GRM5: variants seen among roughly 807,000 people sequenced by gnomAD.
GRM5 encodes the protein metabotropic glutamate receptor 5.
A neutral mutation model predicts 83.1 loss-of-function variants in GRM5; 19 were observed. The ratio of observed to expected loss-of-function variants is 0.23; its 90% CI spans 0.16 to 0.34. The LOEUF is 0.34. Among genes scored for constraint, GRM5 ranks in the 10% least tolerant of loss-of-function variants. The probability of loss-of-function intolerance (pLI) is 1.00; values close to 1 mark genes in which losing one functional copy is unlikely to be tolerated. For synonymous variants in GRM5, 675 were observed against 633.6 expected, an observed-to-expected ratio of 1.07 and a Z score of -0.98; for missense variants, 1,160 against 1,588.3, an observed-to-expected ratio of 0.73 and a Z score of 4.58.
intron 3 of GRM5, among the ~76,000 whole-genome samples, chr11:88,733,383 A>C (rs5008227): frequency 0.94 from 143,085 of 152,022 alleles, 67,579 homozygotes; most frequent in South Asian, 0.99. Context: ...ATAATTTTTC[A>C]AGTTTATATA....
At chr11:88,639,549 C>T (rs1481372913) in intron 4 of GRM5, among the ~76,000 whole-genome samples, 1 of 151,680 alleles carries the variant, frequency 6.6e-6, no homozygotes, top group East Asian at 1.9e-4. Flanking sequence ...GCCATTTTCC[C>T]ATACATCATC....
chr11:88,697,530 A>G (rs1234309061), intron 3 of GRM5, among the ~76,000 whole-genome samples: 1 of 152,216 alleles, frequency 6.6e-6, no homozygotes, highest in Non-Finnish European at 1.5e-5. Context: ...TGTTTACTAC[A>G]ATGTACAAGT....
chr11:88,570,485 G>C (rs1239368124), intron 7 of GRM5, among the ~76,000 whole-genome samples: 1 of 144,958 alleles, frequency 6.9e-6, no homozygotes, highest in East Asian at 2.0e-4. Flanking sequence ...GTATGCCATA[G>C]AGTTTAGGCT....
At chr11:89,023,304 C>T (rs967543194) in intron 2 of GRM5, among the ~76,000 whole-genome samples, 4 of 152,034 alleles carry the variant, frequency 2.6e-5, no homozygotes, top group African/African-American at 9.7e-5. Context: ...CACAACATGA[C>T]CCCCAAACAC....
intron 1 of GRM5, 109 bp from the exon 2 acceptor site, chr11:89,048,181 G>A (rs898276624): frequency 7.8e-6 from 2 of 257,350 alleles, no homozygotes; most frequent in Non-Finnish European, 1.5e-5. Flanking sequence ...TGCAGATAAC[G>A]AAGAAAAAAA....
intron 3 of GRM5, among the ~76,000 whole-genome samples, chr11:88,773,388 C>T (rs1942780831): frequency 6.6e-6 from 1 of 152,052 alleles, no homozygotes; most frequent in Non-Finnish European, 1.5e-5. Context: ...AAATTTTCTC[C>T]TATTCTGTAG....
intron 3 of GRM5, among the ~76,000 whole-genome samples, chr11:88,738,662 C>G (rs1019008065): frequency 2.0e-5 from 3 of 152,116 alleles, no homozygotes; most frequent in Non-Finnish European, 4.4e-5. Flanking sequence ...ATCCTTCCTT[C>G]CACCTCATCT....
At chr11:88,875,447 C>G (rs1358096922) in intron 2 of GRM5, among the ~76,000 whole-genome samples, 1 of 151,924 alleles carries the variant, frequency 6.6e-6, no homozygotes, top group Non-Finnish European at 1.5e-5. Context: ...TCTTGAACCC[C>G]TCAAAATCAT....
chr11:89,062,665 T>C (rs1188203297), intron 1 of GRM5, among the ~76,000 whole-genome samples: 3 of 152,230 alleles, frequency 2.0e-5, no homozygotes, highest in African/African-American at 7.2e-5. Flanking sequence ...TATCCTCTCC[T>C]AAATTTCCCT....
intron 3 of GRM5, among the ~76,000 whole-genome samples, chr11:88,826,108 A>G (rs1010948710): frequency 4.6e-5 from 7 of 152,162 alleles, no homozygotes; most frequent in Non-Finnish European, 8.8e-5. Context: ...CAAATGCGGG[A>G]GGTCTTGAAT....
At chr11:88,740,186 A>T (rs2135415629) in intron 3 of GRM5, among the ~76,000 whole-genome samples, 1 of 152,146 alleles carries the variant, frequency 6.6e-6, no homozygotes, top group African/African-American at 2.4e-5. Flanking sequence ...TCCACACACT[A>T]ATTTTAGCAG....
chr11:88,973,878 T>A (rs1411523366), intron 2 of GRM5, among the ~76,000 whole-genome samples: 1 of 152,166 alleles, frequency 6.6e-6, no homozygotes, highest in African/African-American at 2.4e-5. Flanking sequence ...ATGTAAATTT[T>A]AAATTACCGA....
intron 2 of GRM5, among the ~76,000 whole-genome samples, chr11:89,026,998 G>C (rs773965182): frequency 1.3e-5 from 2 of 152,184 alleles, no homozygotes; most frequent in Non-Finnish European, 2.9e-5. Flanking sequence ...TCAAGAGACA[G>C]AGACAAGTTT....
At chr11:88,771,575 T>C (rs1942737789) in intron 3 of GRM5, among the ~76,000 whole-genome samples, 1 of 152,080 alleles carries the variant, frequency 6.6e-6, no homozygotes, top group Non-Finnish European at 1.5e-5. Context: ...GCCTGCTTTG[T>C]TCTAATGGGC....
intron 2 of GRM5, among the ~76,000 whole-genome samples, chr11:88,935,480 A>T (rs981264265): frequency 1.3e-4 from 20 of 151,920 alleles, no homozygotes; most frequent in Non-Finnish European, 2.8e-4. Context: ...AGGAATGATC[A>T]ATCTTGCTTG....
intron 2 of GRM5, among the ~76,000 whole-genome samples, chr11:88,885,067 AAAT>A (rs1397464276): frequency 6.6e-6 from 1 of 152,080 alleles, no homozygotes; most frequent in African/African-American, 2.4e-5. Context: ...CCATTTTTTA[AAAT>A]AATATTTTAT....
At chr11:88,979,923 G>A (rs1240520204) in intron 2 of GRM5, among the ~76,000 whole-genome samples, 3 of 152,116 alleles carry the variant, frequency 2.0e-5, no homozygotes, top group Non-Finnish European at 2.9e-5. Context: ...TCTTATTGAA[G>A]ACCTCACATT....
At chr11:88,741,863 G>A (rs1942037076) in intron 3 of GRM5, among the ~76,000 whole-genome samples, 1 of 151,982 alleles carries the variant, frequency 6.6e-6, no homozygotes, top group South Asian at 2.1e-4. Context: ...ATCCACCTGT[G>A]AGGATAATGG....
At chr11:88,765,395 G>GAAAA (rs58232495) in intron 3 of GRM5, among the ~76,000 whole-genome samples, 1 of 123,422 alleles carries the variant, frequency 8.1e-6, no homozygotes, top group Non-Finnish European at 1.7e-5. Context: ...AAGACAATTT[G>GAAAA]AAAAAAAAAA....
Sources: gnomAD v4.1 joint callset for allele counts (sites outside exome capture counted in the v4.1 genomes callset) on GRCh38, gnomAD v4.1.1 for gene constraint, MANE v1.5 for transcripts, NCBI Gene and HGNC (gene_info 2026-07-23, HGNC 2026-07-21) for gene names.